Variants in MYO18B observed in about 807,000 individuals in gnomAD.
MYO18B encodes the protein unconventional myosin-XVIIIb.
A neutral mutation model predicts 273.0 loss-of-function variants in MYO18B; 204 were observed. That is an observed-to-expected ratio of 0.75 (90% CI 0.67 to 0.84). MYO18B has a LOEUF of 0.84. Among genes scored for constraint, MYO18B ranks in the 40% least tolerant of loss-of-function variants. The pLI is 0.00. For missense variants in MYO18B, 3,212 were observed against 3,287.6 expected, an observed-to-expected ratio of 0.98 and a Z score of 0.56; for synonymous variants, 1,330 against 1,305.7, an observed-to-expected ratio of 1.02 and a Z score of -0.40.
intron 39 of MYO18B, among the ~76,000 whole-genome samples, chr22:25,985,245 C>T (rs2093188589): frequency 6.6e-6 from 1 of 152,120 alleles, no homozygotes; most frequent in African/African-American, 2.4e-5. Context: ...CCTGTAATCC[C>T]AGCTGTTTGG....
rs1209441642 is a variant in MYO18B at position 25,874,470 on chromosome 22, G to A, written c.4080+56G>A. 1.6e-5 allele frequency: 25 copies of A among 1,562,432 alleles called. No homozygotes were observed. In the South Asian group the frequency reaches 2.6e-4, roughly 16 times the overall value. On this transcript the variant is annotated intron_variant, in intron 23 of 43. Coordinates refer to ENST00000335473, the MANE Select transcript of MYO18B (RefSeq NM_032608.7). ...ATCCAACGGGTCTGGAGCGGGCATA[G>A]GGTCTGCCTGTCTTTCAGGATGATA...
At chr22:25,946,789 C>T (rs2092717412) in intron 35 of MYO18B, among the ~76,000 whole-genome samples, 1 of 152,130 alleles carries the variant, frequency 6.6e-6, no homozygotes, top group South Asian at 2.1e-4. Context: ...TACTGCATGT[C>T]CCCTCTAGTA....
chr22:26,025,944 G>A (rs1398765751), intron 42 of MYO18B, among the ~76,000 whole-genome samples: 6 of 152,240 alleles, frequency 3.9e-5, no homozygotes, highest in East Asian at 1.9e-4. Context: ...TACCTACACC[G>A]TCACCCCATG....
chr22:25,785,472 G>A lies in MYO18B; in HGVS notation c.2357G>A (p.Gly786Asp). 1 of 1,612,252 alleles carries A rather than the reference G, an allele frequency of 6.2e-7. No homozygotes were observed. The highest frequency in any genetic ancestry group is 8.5e-7 in the Non-Finnish European group (1 of 1,179,252). ...LHQMADSSSF[G>D]MGVWSKPEDK... Reference sequence around the variant, plus strand: ...CAGATGGCAGATAGCAGCTCCTTTGGCATGGGCGTGTGGTCCAAGGTAAGG... The same window carrying A: ...CAGATGGCAGATAGCAGCTCCTTTGACATGGGCGTGTGGTCCAAGGTAAGG... Residue 786 changes from glycine (G) to aspartate (D), a missense_variant, in exon 11 of 44, where the codon GGC becomes GAC. By Grantham distance (94) the Gly-to-Asp change is moderately conservative (BLOSUM62 -1). Transcript: ENST00000335473.
chr22:25,833,529 G>A (rs990008414), intron 16 of MYO18B, among the ~76,000 whole-genome samples: 1 of 152,186 alleles, frequency 6.6e-6, no homozygotes, highest in Non-Finnish European at 1.5e-5. Context: ...TGCTACCCCA[G>A]ATCTGCACCT....
At chr22:25,821,283 C>A (rs1359709324) in intron 12 of MYO18B, among the ~76,000 whole-genome samples, 1 of 150,862 alleles carries the variant, frequency 6.6e-6, no homozygotes, top group Non-Finnish European at 1.5e-5. Flanking sequence ...TACATTCCCA[C>A]CAACAATGTC....
intron 8 of MYO18B, among the ~76,000 whole-genome samples, chr22:25,779,355 T>G (rs1353142964): frequency 4.6e-5 from 7 of 152,234 alleles, no homozygotes; most frequent in Admixed American, 4.6e-4. Flanking sequence ...ATTAATGAAT[T>G]AACTAGTTAA....
chr22:25,787,196 C>A (rs943337772), intron 11 of MYO18B, among the ~76,000 whole-genome samples: 2 of 150,590 alleles, frequency 1.3e-5, no homozygotes, highest in Admixed American at 6.6e-5. Context: ...GCGTGGGAGA[C>A]AGAGCGAGAC....
chr22:25,812,642 C>T lies in MYO18B; in HGVS notation c.2522-10863C>T, dbSNP rs552067541. Among the ~76,000 whole-genome samples the T allele has an allele frequency of 7.9e-5, 12 of 152,330 alleles. No homozygotes were observed. In the South Asian group the frequency reaches 2.5e-3, roughly 32 times the overall value. On this transcript the variant is annotated intron_variant, in intron 12 of 43. Coordinates refer to ENST00000335473, the MANE Select transcript of MYO18B (RefSeq NM_032608.7). Reference sequence around the variant, plus strand: ...AGGGCCTTGGACAAGCAAGTTCAGCCTCCCATGGCCTCAACTTGCCAGGGC... The same window carrying T: ...AGGGCCTTGGACAAGCAAGTTCAGCTTCCCATGGCCTCAACTTGCCAGGGC...
At chr22:25,971,373 G>T (rs1404015199) in intron 39 of MYO18B, among the ~76,000 whole-genome samples, 1 of 152,158 alleles carries the variant, frequency 6.6e-6, no homozygotes, top group Non-Finnish European at 1.5e-5. Context: ...CTGTAGAATG[G>T]GTTATCAGGT....
At chr22:25,850,532 C>T (rs1412792454) in intron 20 of MYO18B, among the ~76,000 whole-genome samples, 3 of 152,140 alleles carry the variant, frequency 2.0e-5, no homozygotes, top group Non-Finnish European at 4.4e-5. Flanking sequence ...GTGATTTGCA[C>T]ACATAAGCTC....
chr22:25,861,488 T>G (rs1385907263), intron 21 of MYO18B, among the ~76,000 whole-genome samples: 1 of 152,240 alleles, frequency 6.6e-6, no homozygotes, highest in Non-Finnish European at 1.5e-5. Flanking sequence ...ATCTTATGTT[T>G]AGTGTTTACA....
intron 43 of MYO18B, chr22:26,028,469 T>A (rs928012668): frequency 6.6e-6 from 1 of 152,076 alleles, no homozygotes; most frequent in East Asian, 1.9e-4. Context: ...GGAGAGAAAC[T>A]GAGGCCCTAG....
At chr22:26,060,560 GAGA>G in the MYO18B span, among the ~76,000 whole-genome samples, 312 of 152,238 alleles carry the variant, frequency 2.0e-3, no homozygotes, top group African/African-American at 7.3e-3. Context: ...ACTAAAGAGG[GAGA>G]AGATTAAACA....
rs146322278 is a variant in MYO18B at position 25,838,625 on chromosome 22, C to T, written c.3208+3182C>T. Among the ~76,000 whole-genome samples the T allele has an allele frequency of 4.9e-3, 742 of 152,288 alleles. 4 individuals carry two copies. The highest frequency in any genetic ancestry group is 8.1e-3 in the Admixed American group (124 of 15,308). On this transcript the variant is annotated intron_variant, in intron 17 of 43. Transcript: ENST00000335473. ...CTTACCATTGTGTTATGGTGGCTTA[C>T]AGTATTCAGTGTGGTCACATGCTGT...
At chr22:25,953,656 ATC>A (rs1362720751) in intron 38 of MYO18B, 1 of 152,190 alleles carries the variant, frequency 6.6e-6, no homozygotes. Flanking sequence ...TGAAACTTTG[ATC>A]TACTATATTT....
chr22:26,063,094 C>T, the MYO18B span, among the ~76,000 whole-genome samples: 1 of 152,178 alleles, frequency 6.6e-6, no homozygotes, highest in African/African-American at 2.4e-5. Context: ...TCTGCTGTTA[C>T]ACCGTTCCAA....
At chr22:26,014,517 C>T (rs1443597887) in intron 42 of MYO18B, among the ~76,000 whole-genome samples, 2 of 152,188 alleles carry the variant, frequency 1.3e-5, no homozygotes, top group Admixed American at 1.3e-4. Flanking sequence ...TGAGTCCTGG[C>T]TGCTTTGATG....
intron 34 of MYO18B, among the ~76,000 whole-genome samples, chr22:25,924,282 A>G (rs896292063): frequency 1.3e-5 from 2 of 152,094 alleles, no homozygotes; most frequent in African/African-American, 4.8e-5. Context: ...AGACAGGAGG[A>G]TGAAGGAAGA....
Sources: allele counts gnomAD v4.1 joint callset (sites outside exome capture counted in the v4.1 genomes callset), GRCh38; gene constraint gnomAD v4.1.1; transcripts MANE v1.5; gene names NCBI Gene and HGNC (gene_info 2026-07-23, HGNC 2026-07-21).